Variants in RALGPS1 observed in about 807,000 individuals in gnomAD.
The protein encoded by RALGPS1 is ras-specific guanine nucleotide-releasing factor RalGPS1.
Under a neutral mutation model 78.8 loss-of-function variants are expected in RALGPS1, and 19 were observed. The ratio of observed to expected loss-of-function variants is 0.24; its 90% CI spans 0.17 to 0.35. The LOEUF is 0.35. Ranked by LOEUF, RALGPS1 falls within the 10% of genes least tolerant of loss-of-function variation. The pLI is 1.00. For synonymous variants in RALGPS1, 228 were observed against 256.3 expected, an observed-to-expected ratio of 0.89 and a Z score of 1.06; for missense variants, 454 against 688.3, an observed-to-expected ratio of 0.66 and a Z score of 3.81.
At chr9:127,043,670 T>TA (rs1589172577) in intron 5 of RALGPS1, among the ~76,000 whole-genome samples, 1 of 152,178 alleles carries the variant, frequency 6.6e-6, no homozygotes, top group East Asian at 1.9e-4. Context: ...TTAAAAGACT[T>TA]ACCACAGATT....
At chr9:127,208,519 C>T (rs1478759775) in intron 14 of RALGPS1, among the ~76,000 whole-genome samples, 1 of 152,240 alleles carries the variant, frequency 6.6e-6, no homozygotes, top group Non-Finnish European at 1.5e-5. Context: ...AGATTCACAT[C>T]ACTGAGCCTC....
intron 4 of RALGPS1, among the ~76,000 whole-genome samples, chr9:127,005,810 T>C (rs1344022945): frequency 6.6e-6 from 1 of 152,196 alleles, no homozygotes; most frequent in Non-Finnish European, 1.5e-5. Context: ...AATTCACCAT[T>C]ATAGATGTTG....
intron 11 of RALGPS1, among the ~76,000 whole-genome samples, chr9:127,179,308 G>C (rs945599734): frequency 1.3e-5 from 2 of 152,230 alleles, no homozygotes; most frequent in Non-Finnish European, 2.9e-5. Flanking sequence ...AGAAGACAGA[G>C]AGTGGGTGCT....
At chr9:126,964,792 C>T (rs1022962161) in intron 2 of RALGPS1, among the ~76,000 whole-genome samples, 1 of 152,132 alleles carries the variant, frequency 6.6e-6, no homozygotes, top group Non-Finnish European at 1.5e-5. Context: ...TATTGGTTTC[C>T]CTCACTGGCC....
intron 8 of RALGPS1, among the ~76,000 whole-genome samples, chr9:127,101,057 A>G (rs2053671654): frequency 1.3e-5 from 2 of 152,342 alleles, no homozygotes; most frequent in Middle Eastern, 3.4e-3. Context: ...AGAGCACCAC[A>G]AGGCCCTTAC....
intron 4 of RALGPS1, among the ~76,000 whole-genome samples, chr9:126,983,229 G>A (rs989028411): frequency 4.6e-5 from 7 of 151,880 alleles, no homozygotes; most frequent in African/African-American, 7.3e-5. Flanking sequence ...AAGCCACTGC[G>A]CCCAGCCCTA....
chr9:127,174,618 C>A lies in RALGPS1; in HGVS notation c.843-97C>A, dbSNP rs371808501. Reference sequence around the variant, plus strand: ...ATCTGGAGCAGATCTCACAGTATTCCTGGCTTCTGTGACTATAGTAGCTTT... The same window carrying A: ...ATCTGGAGCAGATCTCACAGTATTCATGGCTTCTGTGACTATAGTAGCTTT... On this transcript the variant is annotated intron_variant, in intron 10 of 18. Transcript: ENST00000259351. 2,571 of 1,077,560 alleles carry A rather than the reference C, an allele frequency of 2.4e-3. 4 individuals are homozygous for A. The highest frequency in any genetic ancestry group is 3.2e-3 in the Non-Finnish European group (2,207 of 700,054). The allele number at this position is 1,077,560 out of a possible 1,614,324, so 66.7% of individuals were successfully genotyped here. A position where few individuals can be genotyped will look rare whatever the true frequency, so the allele number is the denominator to read the frequency against.
At chr9:127,085,464 G>T (rs906922169) in intron 8 of RALGPS1, among the ~76,000 whole-genome samples, 5 of 152,156 alleles carry the variant, frequency 3.3e-5, no homozygotes, top group Admixed American at 2.0e-4. Context: ...CCCAGGCTAG[G>T]GTGCTTGGAC....
intron 4 of RALGPS1, among the ~76,000 whole-genome samples, chr9:127,012,665 G>A (rs1316666468): frequency 6.6e-6 from 1 of 152,252 alleles, no homozygotes; most frequent in Non-Finnish European, 1.5e-5. Context: ...AGGCTGAGTG[G>A]CATCTGGGGG....
intron 4 of RALGPS1, among the ~76,000 whole-genome samples, chr9:127,033,886 T>G (rs1441191443): frequency 1.3e-5 from 2 of 152,226 alleles, no homozygotes; most frequent in African/African-American, 4.8e-5. Context: ...CCTTTCCTTC[T>G]GCATGCTTTT....
intron 8 of RALGPS1, among the ~76,000 whole-genome samples, chr9:127,156,856 T>A (rs2058732127): frequency 6.6e-6 from 1 of 152,112 alleles, no homozygotes; most frequent in Non-Finnish European, 1.5e-5. Context: ...GTACTCGTAT[T>A]ATTTAGATTT....
chr9:127,100,249 C>A (rs1203172707), intron 8 of RALGPS1, among the ~76,000 whole-genome samples: 1 of 152,082 alleles, frequency 6.6e-6, no homozygotes, highest in African/African-American at 2.4e-5. Flanking sequence ...AAAATTGTTC[C>A]AGTAAAAATT....
chr9:127,202,160 C>T (rs903097229), intron 14 of RALGPS1, among the ~76,000 whole-genome samples: 25 of 152,216 alleles, frequency 1.6e-4, no homozygotes, highest in African/African-American at 2.4e-4. Flanking sequence ...GATGCCAAGA[C>T]GAAAGCCAGG....
At position 127,173,811 on chromosome 9, in the gene RALGPS1, G is replaced by A. The variant is rs570359061; in HGVS notation, c.843-904G>A. Among the ~76,000 whole-genome samples, 12 of 152,222 alleles carry A rather than the reference G, an allele frequency of 7.9e-5. No homozygotes were observed. In the South Asian group the frequency reaches 8.3e-4, roughly 11 times the overall value. On this transcript the variant is annotated intron_variant, in intron 10 of 18. Coordinates refer to ENST00000259351, the MANE Select transcript of RALGPS1 (RefSeq NM_014636.3). ...GCTGGTCACTTGAGCTCAGGAGTTC[G>A]AGACCAACCTGGGCAACACGGTGAA... is the stretch of plus-strand genomic sequence containing the variant.
intron 1 of RALGPS1, among the ~76,000 whole-genome samples, chr9:126,939,791 G>A (rs1419249531): frequency 6.6e-6 from 1 of 152,228 alleles, no homozygotes; most frequent in African/African-American, 2.4e-5. Flanking sequence ...GGGAGCAGCC[G>A]CATTGGCATG....
chr9:127,082,453 A>G (rs1433722676), intron 8 of RALGPS1, among the ~76,000 whole-genome samples: 1 of 148,450 alleles, frequency 6.7e-6, no homozygotes, highest in Non-Finnish European at 1.5e-5. Context: ...GCTGCTGCAT[A>G]GGCAGGCTGG....
At chr9:127,015,916 C>T (rs1239912274) in intron 4 of RALGPS1, among the ~76,000 whole-genome samples, 1 of 152,130 alleles carries the variant, frequency 6.6e-6, no homozygotes, top group Non-Finnish European at 1.5e-5. Context: ...GGGTTTAACC[C>T]TTCTGCCCTT....
In RALGPS1 at chr9:127,218,393, G is replaced by T. The variant is rs2062684570; in HGVS notation, c.1645-347G>T. On this transcript the variant is annotated intron_variant, in intron 18 of 18. Coordinates refer to ENST00000259351, the MANE Select transcript of RALGPS1 (RefSeq NM_014636.3). This position sits in a 1 kb window ranked among gnomAD's most constrained non-coding sequence, Gnocchi z 4.4. Reference sequence around the variant, plus strand: ...GTTTGATTTTCACTGAAGGAGATAGGTTAAGAGCATGGGCTCTGGGTTCTT... The same window carrying T: ...GTTTGATTTTCACTGAAGGAGATAGTTTAAGAGCATGGGCTCTGGGTTCTT... Among the ~76,000 whole-genome samples the T allele has an allele frequency of 1.3e-5, 2 of 152,168 alleles. No homozygotes were observed. The highest frequency in any genetic ancestry group is 4.8e-5 in the African/African-American group (2 of 41,438).
At chr9:127,073,913 CCCTT>C (rs1204477245) in intron 8 of RALGPS1, among the ~76,000 whole-genome samples, 3 of 152,058 alleles carry the variant, frequency 2.0e-5, no homozygotes, top group Non-Finnish European at 2.9e-5. Flanking sequence ...CTCAGTTTCA[CCCTT>C]GTTGCCCAGG....
Sources: gnomAD v4.1 joint callset for allele counts (sites outside exome capture counted in the v4.1 genomes callset) on GRCh38, gnomAD v4.1.1 for gene constraint, Gnocchi (gnomAD v3.1) non-coding constraint, MANE v1.5 for transcripts, NCBI Gene and HGNC (gene_info 2026-07-23, HGNC 2026-07-21) for gene names.